Variants in BRINP3 observed in about 807,000 individuals in gnomAD.
The protein encoded by BRINP3 is BMP/retinoic acid inducible neural specific 3.
A neutral mutation model predicts 71.0 loss-of-function variants in BRINP3; 19 were observed. The ratio of observed to expected loss-of-function variants is 0.27; its 90% CI spans 0.19 to 0.39. The LOEUF (loss-of-function observed/expected upper bound fraction) is 0.39. BRINP3 is among the 10% of genes least tolerant of loss of function. The pLI is 1.00. For synonymous variants in BRINP3, 380 were observed against 337.7 expected (o/e 1.13, Z -1.37); for missense variants, 959 against 940.8 (o/e 1.02, Z -0.25).
chr1:190,277,790 G>C (rs1012098709), intron 3 of BRINP3, among the ~76,000 whole-genome samples: 4 of 151,618 alleles, frequency 2.6e-5, no homozygotes, highest in East Asian at 3.9e-4. Flanking sequence ...CAGAAGTGCA[G>C]TCTTTTTCAA....
chr1:190,357,168 A>C (rs1232795457), intron 2 of BRINP3, among the ~76,000 whole-genome samples: 1 of 152,082 alleles, frequency 6.6e-6, no homozygotes, highest in Admixed American at 6.6e-5. Flanking sequence ...TGTAACTATA[A>C]GTTTTTTCAG....
At chr1:190,409,427 C>T (rs777359128) in intron 2 of BRINP3, among the ~76,000 whole-genome samples, 2 of 152,094 alleles carry the variant, frequency 1.3e-5, no homozygotes, top group Non-Finnish European at 2.9e-5. Context: ...ATTTCTAGAA[C>T]TGGATCTCCT....
chr1:190,414,260 A>T (rs550967937), intron 2 of BRINP3, among the ~76,000 whole-genome samples: 1 of 152,282 alleles, frequency 6.6e-6, no homozygotes, highest in South Asian at 2.1e-4. Context: ...GAGCCCAGTG[A>T]AGTGCCATGT....
intron 7 of BRINP3, among the ~76,000 whole-genome samples, chr1:190,106,495 A>T (rs1391365320): frequency 6.6e-6 from 1 of 151,342 alleles, no homozygotes; most frequent in African/African-American, 2.4e-5. Context: ...AGGTCATTTC[A>T]TTTCATCCTT....
At chr1:190,230,835 C>A (rs1381967938) in intron 5 of BRINP3, among the ~76,000 whole-genome samples, 1 of 151,506 alleles carries the variant, frequency 6.6e-6, no homozygotes, top group Non-Finnish European at 1.5e-5. Context: ...TTTCATTCGA[C>A]TATCCCTAAA....
At chr1:190,320,216 C>T (rs1278138814) in intron 2 of BRINP3, among the ~76,000 whole-genome samples, 1 of 151,984 alleles carries the variant, frequency 6.6e-6, no homozygotes, top group Non-Finnish European at 1.5e-5. Context: ...CAAAACACTC[C>T]TAATATTAAA....
intron 2 of BRINP3, among the ~76,000 whole-genome samples, chr1:190,427,015 C>T (rs957968946): frequency 5.3e-5 from 8 of 151,784 alleles, no homozygotes; most frequent in Non-Finnish European, 1.2e-4. Flanking sequence ...ACTCTCTTAT[C>T]TTTACACTTC....
rs115886839 is a variant in BRINP3, at chr1:190,165,867, T to C, written c.962-4977A>G. 4.8e-3 allele frequency among the ~76,000 whole-genome samples: 732 copies of C among 152,240 alleles called. 8 individuals are homozygous for C. Among genetic ancestry groups the C allele is most frequent in the African/African-American group, 0.016 (676 of 41,534 alleles). On this transcript the variant is annotated intron_variant, in intron 6 of 7. Coordinates refer to ENST00000367462, the MANE Select transcript of BRINP3 (RefSeq NM_199051.3). Reference sequence around the variant, plus strand: ...GAGAAATTCCAGACAGTGTCCTGAATAGCAGAAAGTTACCAAGGGCTGAAA... The same window carrying C: ...GAGAAATTCCAGACAGTGTCCTGAACAGCAGAAAGTTACCAAGGGCTGAAA...
At chr1:190,468,037 A>G (rs1676876228) in intron 1 of BRINP3, among the ~76,000 whole-genome samples, 1 of 151,348 alleles carries the variant, frequency 6.6e-6, no homozygotes, top group African/African-American at 2.4e-5. Flanking sequence ...TACCTTCTGA[A>G]CAATAATTAC....
At chr1:190,462,323 TGGAAAACTAA>T (rs1271130935) in intron 1 of BRINP3, among the ~76,000 whole-genome samples, 2 of 152,162 alleles carry the variant, frequency 1.3e-5, no homozygotes, top group African/African-American at 4.8e-5. Context: ...TATGCACAAC[TGGAAAACTAA>T]GGACTTTTTC....
intron 2 of BRINP3, among the ~76,000 whole-genome samples, chr1:190,404,165 C>G (rs1672115331): frequency 6.6e-6 from 1 of 152,044 alleles, no homozygotes; most frequent in Admixed American, 6.6e-5. Context: ...TTTGCATCCT[C>G]TATAGTTTTG....
chr1:190,370,946 T>C (rs1263737201), intron 2 of BRINP3, among the ~76,000 whole-genome samples: 1 of 152,360 alleles, frequency 6.6e-6, no homozygotes, highest in East Asian at 1.9e-4. Flanking sequence ...ATGATCATTT[T>C]ATCAAATACC....
At chr1:190,126,663 G>T (rs538101487) in intron 7 of BRINP3, among the ~76,000 whole-genome samples, 1 of 151,722 alleles carries the variant, frequency 6.6e-6, no homozygotes, top group Non-Finnish European at 1.5e-5. Context: ...CATTGTCTTT[G>T]TTCAAATTTT....
At chr1:190,285,497 G>T (rs1401350922) in intron 2 of BRINP3, among the ~76,000 whole-genome samples, 1 of 152,112 alleles carries the variant, frequency 6.6e-6, no homozygotes, top group African/African-American at 2.4e-5. Flanking sequence ...ATTATGGGAG[G>T]CTGAGGTGGG....
chr1:190,124,258 T>C (rs1377286303), intron 7 of BRINP3, among the ~76,000 whole-genome samples: 5 of 152,158 alleles, frequency 3.3e-5, no homozygotes, highest in African/African-American at 1.2e-4. Context: ...GAGTGCTCTC[T>C]CACCCTCTTC....
chr1:190,372,409 T>C (rs1669924882), intron 2 of BRINP3, among the ~76,000 whole-genome samples: 1 of 152,164 alleles, frequency 6.6e-6, no homozygotes, highest in Admixed American at 6.5e-5. Context: ...ACTGCTGAGA[T>C]AGTACACATC....
intron 2 of BRINP3, among the ~76,000 whole-genome samples, chr1:190,447,299 G>GTATA (rs5779531): frequency 2.5e-4 from 36 of 144,282 alleles, no homozygotes; most frequent in African/African-American, 8.8e-4. Flanking sequence ...GTGTAAAATA[G>GTATA]TATATATATA....
chr1:190,436,856 T>A (rs143079550), intron 2 of BRINP3, among the ~76,000 whole-genome samples: 3 of 151,836 alleles, frequency 2.0e-5, no homozygotes, highest in African/African-American at 7.2e-5. Flanking sequence ...ATTGAGCATA[T>A]GTTATGCACA....
intron 6 of BRINP3, among the ~76,000 whole-genome samples, chr1:190,198,526 T>C (rs1654701487): frequency 6.6e-6 from 1 of 152,184 alleles, no homozygotes; most frequent in South Asian, 2.1e-4. Context: ...AATCACCTCT[T>C]GAATACTGTG....
Sources: allele counts gnomAD v4.1 joint callset (sites outside exome capture counted in the v4.1 genomes callset), GRCh38; gene constraint gnomAD v4.1.1; transcripts MANE v1.5; gene names NCBI Gene and HGNC (gene_info 2026-07-23, HGNC 2026-07-21).